TFCP2: variants seen among roughly 807,000 people sequenced by gnomAD.
TFCP2 encodes the protein alpha-globin transcription factor CP2.
Under a neutral mutation model 73.4 loss-of-function variants are expected in TFCP2, and 33 were observed. The observed-to-expected ratio is 0.45, with a 90% CI of 0.34 to 0.60. The LOEUF (loss-of-function observed/expected upper bound fraction) is 0.60, where lower values mean the gene tolerates loss of function less well. Ranked by LOEUF, TFCP2 falls within the 20% of genes least tolerant of loss-of-function variation. The probability of loss-of-function intolerance (pLI) is 0.01; values close to 1 mark genes in which losing one functional copy is unlikely to be tolerated. For synonymous variants in TFCP2, 193 were observed against 211.6 expected, an observed-to-expected ratio of 0.91 and a Z score of 0.76; for missense variants, 352 against 604.0, an observed-to-expected ratio of 0.58 and a Z score of 4.37.
intron 3 of TFCP2, 72 bp from the exon 4 acceptor site, chr12:51,116,492 A>G: frequency 2.7e-6 from 2 of 751,224 alleles, no homozygotes; most frequent in Non-Finnish European, 4.2e-6. Context: ...AAAAACTAGC[A>G]GGATTCACTG....
chr12:51,126,401 T>G (rs1001152410), intron 1 of TFCP2, among the ~76,000 whole-genome samples: 2 of 151,674 alleles, frequency 1.3e-5, no homozygotes, highest in African/African-American at 4.9e-5. Flanking sequence ...ATATCAGGAG[T>G]GATCTTTCTT....
chr12:51,132,185 T>C (rs986576076), intron 1 of TFCP2, among the ~76,000 whole-genome samples: 1 of 152,094 alleles, frequency 6.6e-6, no homozygotes, highest in Admixed American at 6.6e-5. Context: ...ACTAGGCTGC[T>C]AAATGTGCCT....
intron 5 of TFCP2, 23 bp downstream of exon 5, chr12:51,110,854 G>T: frequency 6.6e-7 from 1 of 1,513,114 alleles, no homozygotes; most frequent in East Asian, 2.3e-5. Context: ...TTCAAAACTG[G>T]AACCCTATCT....
Position 51,124,525 on chromosome 12 carries a change from T to C in TFCP2, c.123-5753A>G, listed in dbSNP as rs546542608. 3.7e-4 allele frequency: 151 copies of C among 410,610 alleles called. 1 individual carries two copies. Among genetic ancestry groups the C allele is most frequent in the South Asian group, 1.5e-3 (75 of 51,466 alleles). The allele number at this position is 410,610 out of a possible 1,614,324, so 25.4% of individuals were successfully genotyped here. On this transcript the variant is annotated intron_variant, in intron 1 of 14. Coordinates refer to ENST00000257915, the MANE Select transcript of TFCP2 (RefSeq NM_005653.5). ...TCTGGGGTAGGGGGGTAAGGCAGTG[T>C]TAAGAATCATTGGGGCTGTGGCCCA...
At chr12:51,157,177 G>A (rs566951511) in intron 1 of TFCP2, among the ~76,000 whole-genome samples, 136 of 151,894 alleles carry the variant, frequency 9.0e-4, no homozygotes, top group African/African-American at 3.2e-3. Flanking sequence ...CACTACGGCC[G>A]GCTAATTTTC....
At chr12:51,142,966 A>C (rs1941222865) in intron 1 of TFCP2, among the ~76,000 whole-genome samples, 1 of 151,680 alleles carries the variant, frequency 6.6e-6, no homozygotes, top group African/African-American at 2.4e-5. Context: ...GTAACTCCTA[A>C]ATTTACCACT....
chr12:51,103,903 A>C (rs759129849), intron 9 of TFCP2, 140 bp from the exon 10 acceptor site: 14 of 735,240 alleles, frequency 1.9e-5, no homozygotes, highest in Non-Finnish European at 2.7e-5. Context: ...CCAACCATGC[A>C]AGATGCTCAA....
chr12:51,140,892 C>T (rs1438395990), intron 1 of TFCP2, among the ~76,000 whole-genome samples: 1 of 151,846 alleles, frequency 6.6e-6, no homozygotes. Flanking sequence ...GCTGTCTCTA[C>T]TAAAAATACA....
At chr12:51,120,598 T>G (rs950539648) in intron 1 of TFCP2, among the ~76,000 whole-genome samples, 5 of 151,852 alleles carry the variant, frequency 3.3e-5, no homozygotes, top group Non-Finnish European at 7.4e-5. Context: ...AAAAAAAAAA[T>G]TATTGATTAG....
At chr12:51,164,989 A>T (rs1941724051) in intron 1 of TFCP2, among the ~76,000 whole-genome samples, 1 of 152,218 alleles carries the variant, frequency 6.6e-6, no homozygotes, top group African/African-American at 2.4e-5. Context: ...TTCAAAAAAC[A>T]GAAAAGAATG....
rs146262647 is a variant in TFCP2 at position 51,152,273 on chromosome 12, AC to A, written c.122+20027del. Among the ~76,000 whole-genome samples, 32 of 152,330 alleles carry A rather than the reference AC, an allele frequency of 2.1e-4. No individual in the cohort carries two copies. In the East Asian group the frequency reaches 6.2e-3, roughly 29 times the overall value. ...GAATCTAACCACGAGGAAACAACAG[AC>A]AAAAACAAATTGAAGGATGCTCTAC... On this transcript the variant is annotated intron_variant, in intron 1 of 14. Transcript: ENST00000257915.
chr12:51,117,822 T>C (rs1162134651), intron 2 of TFCP2, 75 bp from the exon 3 acceptor site: 7 of 990,246 alleles, frequency 7.1e-6, no homozygotes, highest in South Asian at 5.8e-5. Context: ...TAAAATTCAG[T>C]TGGTTGAATA....
At chr12:51,104,109 G>A in intron 9 of TFCP2, 46 bp downstream of exon 9, 1 of 1,576,064 alleles carries the variant, frequency 6.3e-7, no homozygotes, top group Non-Finnish European at 8.7e-7. Flanking sequence ...AGTCATCAAA[G>A]TATTACCAGA....
In TFCP2 at chr12:51,093,859, CAA is replaced by C. The variant is rs932601822; in HGVS notation, c.*1380_*1381del. ...ACACACACACACACACACACACACA[CAA>C]ATCCAAATCCAATACACAATCTTAG... On this transcript the variant is annotated 3_prime_UTR_variant, in exon 15 of 15. Coordinates refer to ENST00000257915, the MANE Select transcript of TFCP2 (RefSeq NM_005653.5). 7 of 135,692 alleles carry C rather than the reference CAA, an allele frequency of 5.2e-5. No homozygotes were observed. The highest frequency in any genetic ancestry group is 5.1e-4 in the Admixed American group (7 of 13,594). The allele number at this position is 135,692 out of a possible 1,614,324, so 8.4% of individuals were successfully genotyped here.
chr12:51,117,804 G>A lies in TFCP2; in HGVS notation c.275-57C>T, dbSNP rs574768415. ...ACCACAAATTAACTTTGCTAGATTC[G>A]GAAAGAATAAAATTCAGTTGGTTGA... On this transcript the variant is annotated intron_variant, in intron 2 of 14. Transcript: ENST00000257915. The A allele has an allele frequency of 8.4e-5, 104 of 1,234,952 alleles. 1 individual carries two copies. The African/African-American group carries it at 8.6e-4, about 10-fold the overall frequency. The allele number at this position is 1,234,952 out of a possible 1,614,324, so 76.5% of individuals were successfully genotyped here. A position where few individuals can be genotyped will look rare whatever the true frequency, so the allele number is the denominator to read the frequency against.
chr12:51,113,676 A>G lies in TFCP2; in HGVS notation c.457+2639T>C, dbSNP rs116911801. 3.8e-3 allele frequency among the ~76,000 whole-genome samples: 572 copies of G among 152,360 alleles called. 1 individual carries two copies. Among genetic ancestry groups the G allele is most frequent in the East Asian group, 0.035 (184 of 5,192 alleles). On this transcript the variant is annotated intron_variant, in intron 4 of 14. Coordinates refer to ENST00000257915, the MANE Select transcript of TFCP2 (RefSeq NM_005653.5). The stretch of plus-strand genomic sequence containing the variant: ...CTGACTATAAAGCTACACTTAGCAA[A>G]ATAGTGAGGTATAGGCATAAAGACA...
At chr12:51,107,152 G>T in intron 7 of TFCP2, 84 bp downstream of exon 7, 1 of 1,123,664 alleles carries the variant, frequency 8.9e-7, no homozygotes, top group Non-Finnish European at 1.3e-6. Flanking sequence ...CTTAGGAGAA[G>T]TAAATTCTGA....
rs546684655 is a variant in TFCP2 at position 51,133,730 on chromosome 12, C to A, written c.123-14958G>T. Among the ~76,000 whole-genome samples the A allele has an allele frequency of 3.3e-5, 5 of 152,110 alleles. No homozygotes were observed. In the South Asian group the frequency reaches 1.0e-3, roughly 32 times the overall value. ...TCACTTAAGGTCAGGAGTTTGAGAC[C>A]AGCCTGGCCAACATGGTAAAACCCT... On this transcript the variant is annotated intron_variant, in intron 1 of 14. Coordinates refer to ENST00000257915, the MANE Select transcript of TFCP2 (RefSeq NM_005653.5).
chr12:51,147,025 G>C (rs1007098122), intron 1 of TFCP2, among the ~76,000 whole-genome samples: 1 of 152,156 alleles, frequency 6.6e-6, no homozygotes, highest in South Asian at 2.1e-4. Flanking sequence ...GTGACTGAGG[G>C]AATAAACCAG....
Sources: allele counts gnomAD v4.1 joint callset (sites outside exome capture counted in the v4.1 genomes callset), GRCh38; gene constraint gnomAD v4.1.1; transcripts MANE v1.5; gene names NCBI Gene and HGNC (gene_info 2026-07-23, HGNC 2026-07-21).